EPB41L3: variants seen among roughly 807,000 people sequenced by gnomAD.
EPB41L3 encodes erythrocyte membrane protein band 4.1 like 3.
In EPB41L3, 57 loss-of-function variants were observed where a neutral mutation model predicts 127.1. The ratio of observed to expected loss-of-function variants is 0.45; its 90% CI spans 0.36 to 0.56. The LOEUF is 0.56. EPB41L3 is among the 20% of genes least tolerant of loss of function. The pLI is 0.00. For missense variants in EPB41L3, 1,273 were observed against 1,372.2 expected, an observed-to-expected ratio of 0.93 and a Z score of 1.14; for synonymous variants, 572 against 549.5, an observed-to-expected ratio of 1.04 and a Z score of -0.57.
In EPB41L3 at chr18:5,509,731, A is replaced by G. The variant is rs181264298; in HGVS notation, c.-11-20537T>C. 3.1e-3 allele frequency among the ~76,000 whole-genome samples: 465 copies of G among 152,330 alleles called. 7 individuals carry two copies. Among genetic ancestry groups the G allele is most frequent in the African/African-American group, 0.011 (455 of 41,572 alleles). On this transcript the variant is annotated intron_variant, in intron 1 of 22. Transcript: ENST00000341928. ...TGTTTGGGTGTATAATTTTCTTTAT[A>G]ATCATTCACTCATTGAATCTATCAT...
chr18:5,548,501 A>G (rs1002778591), upstream of EPB41L3, among the ~76,000 whole-genome samples: 1 of 152,232 alleles, frequency 6.6e-6, no homozygotes, highest in East Asian at 1.9e-4. Flanking sequence ...ATTCCTATTC[A>G]TCAGAATTCC....
intron 6 of EPB41L3, among the ~76,000 whole-genome samples, chr18:5,434,554 A>G (rs994671466): frequency 4.6e-5 from 7 of 152,208 alleles, no homozygotes; most frequent in African/African-American, 7.2e-5. Context: ...GCAGTCAATG[A>G]TGGACCACAT....
intron 11 of EPB41L3, among the ~76,000 whole-genome samples, chr18:5,421,027 A>G (rs1376762553): frequency 6.6e-6 from 1 of 152,244 alleles, no homozygotes; most frequent in Non-Finnish European, 1.5e-5. Context: ...CAACCTTGCA[A>G]AAAAGCAGTT....
intron 3 of EPB41L3, among the ~76,000 whole-genome samples, chr18:5,462,533 T>C (rs559464529): frequency 6.6e-6 from 1 of 152,252 alleles, no homozygotes; most frequent in African/African-American, 2.4e-5. Flanking sequence ...CCTCATACGG[T>C]CACAATCACT....
chr18:5,537,926 G>C (rs2093617824), intron 1 of EPB41L3, among the ~76,000 whole-genome samples: 1 of 152,160 alleles, frequency 6.6e-6, no homozygotes, highest in Admixed American at 6.5e-5. Context: ...AGAATGGACA[G>C]TGTAAAATAA....
chr18:5,562,953 C>T (rs545438638), intron 3 of EPB41L3, among the ~76,000 whole-genome samples: 1 of 152,230 alleles, frequency 6.6e-6, no homozygotes, highest in South Asian at 2.1e-4. Flanking sequence ...GAGAAATGGA[C>T]ATGTTTCTTG....
chr18:5,524,104 T>C (rs970932044), intron 1 of EPB41L3, among the ~76,000 whole-genome samples: 1 of 152,130 alleles, frequency 6.6e-6, no homozygotes, highest in African/African-American at 2.4e-5. Flanking sequence ...ACTGAATAAA[T>C]AGAGGCACAG....
At chr18:5,590,506 C>T (rs34218968) in intron 3 of EPB41L3, among the ~76,000 whole-genome samples, 43,961 of 151,892 alleles carry the variant, frequency 0.29, 6,497 homozygotes, top group East Asian at 0.41. Context: ...AAAGTTCTCA[C>T]CATAAGACCC....
At chr18:5,536,834 AAAACAAACAAACG>A (rs371411991) in intron 1 of EPB41L3, among the ~76,000 whole-genome samples, 2 of 152,174 alleles carry the variant, frequency 1.3e-5, no homozygotes, top group Admixed American at 6.5e-5. Context: ...CTGTTCTCAA[AAAACAAACAAACG>A]AAACAAACAA....
chr18:5,455,546 G>A (rs572260827), intron 3 of EPB41L3, among the ~76,000 whole-genome samples: 19 of 151,880 alleles, frequency 1.3e-4, no homozygotes, highest in South Asian at 1.0e-3. Flanking sequence ...GATTCAGTGC[G>A]CAAACACTTC....
At chr18:5,466,618 C>A (rs2085043118) in intron 3 of EPB41L3, among the ~76,000 whole-genome samples, 1 of 152,168 alleles carries the variant, frequency 6.6e-6, no homozygotes, top group Non-Finnish European at 1.5e-5. Flanking sequence ...ACTCTAAGAA[C>A]TTGTGTTTTC....
intron 3 of EPB41L3, among the ~76,000 whole-genome samples, chr18:5,469,327 T>G (rs2085632966): frequency 6.6e-6 from 1 of 152,154 alleles, no homozygotes; most frequent in African/African-American, 2.4e-5. Flanking sequence ...GTTCCCCTTG[T>G]CCAGACATGG....
chr18:5,560,783 G>A (rs1011228852), intron 3 of EPB41L3, among the ~76,000 whole-genome samples: 1 of 151,968 alleles, frequency 6.6e-6, no homozygotes, highest in Non-Finnish European at 1.5e-5. Context: ...ATTTTGGGGG[G>A]TGGGGAGAAC....
chr18:5,453,690 T>C (rs1198048615), intron 3 of EPB41L3, among the ~76,000 whole-genome samples: 1 of 152,146 alleles, frequency 6.6e-6, no homozygotes, highest in Non-Finnish European at 1.5e-5. Flanking sequence ...CTTTTGGAAG[T>C]TATATTTCTT....
At chr18:5,461,164 C>T (rs754391208) in intron 3 of EPB41L3, among the ~76,000 whole-genome samples, 3 of 152,160 alleles carry the variant, frequency 2.0e-5, no homozygotes, top group Non-Finnish European at 4.4e-5. Context: ...TTGGGGTAAT[C>T]ATTTAAAACC....
chr18:5,603,486 T>C (rs1015907884), intron 3 of EPB41L3, among the ~76,000 whole-genome samples: 5 of 151,782 alleles, frequency 3.3e-5, no homozygotes, highest in Admixed American at 1.3e-4. Context: ...AGTCTGGGAG[T>C]GGAATAAAGA....
intron 8 of EPB41L3, chr18:5,431,366 CT>C (rs2078987620): frequency 6.6e-6 from 1 of 152,218 alleles, no homozygotes; most frequent in Non-Finnish European, 1.5e-5. Context: ...AAATTTGCTT[CT>C]TCAAATGATG....
Position 5,585,524 on chromosome 18 carries a change from C to A in EPB41L3, c.-306+26816G>T, listed in dbSNP as rs190273613. Among the ~76,000 whole-genome samples, 70 of 152,084 alleles carry A rather than the reference C, an allele frequency of 4.6e-4. No individual in the cohort carries two copies. In the East Asian group the frequency reaches 0.012, roughly 26 times the overall value. On this transcript the variant is annotated intron_variant, in intron 3 of 21. Coordinates refer to the EPB41L3 transcript ENST00000545076. ...TTGCCATGTTGGCCAGGCTGGCCAA[C>A]AAGTAATTTAAAACAAGCAATGCAA...
intron 1 of EPB41L3, among the ~76,000 whole-genome samples, chr18:5,528,515 A>T (rs922284427): frequency 6.6e-6 from 1 of 151,852 alleles, no homozygotes; most frequent in Non-Finnish European, 1.5e-5. Flanking sequence ...TCATCTTTTC[A>T]ATCAACCCTT....
Sources: allele counts gnomAD v4.1 joint callset (sites outside exome capture counted in the v4.1 genomes callset), GRCh38; gene constraint gnomAD v4.1.1; transcripts MANE v1.5; gene names NCBI Gene and HGNC (gene_info 2026-07-23, HGNC 2026-07-21).